LRRC8C: variants seen among roughly 807,000 people sequenced by gnomAD.
LRRC8C encodes leucine rich repeat containing 8 VRAC subunit C, also known as volume-regulated anion channel subunit LRRC8C.
A neutral mutation model predicts 55.3 loss-of-function variants in LRRC8C; 20 were observed. The observed-to-expected ratio is 0.36, with a 90% CI of 0.25 to 0.53. The LOEUF is 0.53. Ranked by LOEUF, LRRC8C falls within the 20% of genes least tolerant of loss-of-function variation. LRRC8C has a pLI of 0.92. For synonymous variants in LRRC8C, 376 were observed against 360.7 expected (o/e 1.04, Z -0.48); for missense variants, 659 against 951.4 (o/e 0.69, Z 4.04).
chr1:89,628,837 GA>G (rs1398605878), upstream of LRRC8C, among the ~76,000 whole-genome samples: 1 of 152,224 alleles, frequency 6.6e-6, no homozygotes, highest in Non-Finnish European at 1.5e-5. Context: ...TGGTTTTGGG[GA>G]AAAGGTTCTG....
chr1:89,713,200 TCA>T lies in LRRC8C; in HGVS notation c.631_632del (p.Gln211ValfsTer7), dbSNP rs1658707681. The T allele has an allele frequency of 6.2e-7, 1 of 1,614,052 alleles. No individual in the cohort carries two copies. The highest frequency in any genetic ancestry group is 1.7e-5 in the Admixed American group (1 of 60,002). On this transcript the variant is annotated frameshift_variant, in exon 3 of 3. Transcript: ENST00000370454. LOFTEE classifies it high-confidence loss of function. This position sits in a 1 kb window ranked among gnomAD's most constrained non-coding sequence, Gnocchi z 5.2. Reference sequence around the variant, plus strand: ...GTCCAGAAGACAGCCTGGTCAACTCTCAGTCTTTAAAGTCCATTCCTGAGAAG... The same window carrying T: ...GTCCAGAAGACAGCCTGGTCAACTCTGTCTTTAAAGTCCATTCCTGAGAAG... ...SGPEDSLVNSQSLKSIPEKFV... is the reference protein window; with the variant it reads ...SGPEDSLVNSXSLKSIPEKFV...
intron 1 of LRRC8C, among the ~76,000 whole-genome samples, chr1:89,676,751 G>A (rs1570716087): frequency 6.6e-6 from 1 of 152,268 alleles, no homozygotes; most frequent in Middle Eastern, 3.4e-3. Flanking sequence ...TGCACCATTG[G>A]CACAGGAAAC....
chr1:89,679,132 C>T (rs6668433), intron 1 of LRRC8C, among the ~76,000 whole-genome samples: 9 of 151,582 alleles, frequency 5.9e-5, no homozygotes, highest in Non-Finnish European at 1.3e-4. Flanking sequence ...ACAAGGGGGT[C>T]GGGGAGAAGA....
At chr1:89,633,393 G>C (rs1656182428) in intron 1 of LRRC8C, 71 bp downstream of exon 1, 1 of 152,406 alleles carries the variant, frequency 6.6e-6, no homozygotes, top group Admixed American at 6.5e-5. Flanking sequence ...GGTCCGCTGT[G>C]CGCGCCGGAC....
intron 1 of LRRC8C, among the ~76,000 whole-genome samples, chr1:89,663,526 C>T (rs1386245474): frequency 3.3e-5 from 5 of 150,374 alleles, no homozygotes; most frequent in East Asian, 2.0e-4. Context: ...GCCGAGATTG[C>T]GCCACTGCAC....
At chr1:89,661,356 C>T in intron 1 of LRRC8C, 1 of 344,578 alleles carries the variant, frequency 2.9e-6, no homozygotes, top group Non-Finnish European at 5.7e-6. Flanking sequence ...CAATGCCAGA[C>T]ACGAGATACA....
chr1:89,671,211 A>G (rs1657404775), intron 1 of LRRC8C, among the ~76,000 whole-genome samples: 1 of 152,118 alleles, frequency 6.6e-6, no homozygotes, highest in Non-Finnish European at 1.5e-5. Context: ...ATTCTACTAT[A>G]GCTTTTTATT....
rs543594260 is a variant in LRRC8C at position 89,707,123 on chromosome 1, T to C, written c.139-5586T>C. Among the ~76,000 whole-genome samples, 3 of 152,142 alleles carry C rather than the reference T, an allele frequency of 2.0e-5. No homozygotes were observed. In the East Asian group the frequency reaches 5.8e-4, roughly 29 times the overall value. On this transcript the variant is annotated intron_variant, in intron 2 of 2. Transcript: ENST00000370454. ...CAGTCGTTCCTAAAGATCCAGAGGA[T>C]AGGCCAGGCGCTGTGGCTCATGCCT...
At chr1:89,653,679 G>A (rs558803966) in intron 1 of LRRC8C, among the ~76,000 whole-genome samples, 2 of 152,300 alleles carry the variant, frequency 1.3e-5, no homozygotes, top group Non-Finnish European at 2.9e-5. Context: ...TTTAAAGATT[G>A]AGCCTGCAGG....
intron 1 of LRRC8C, among the ~76,000 whole-genome samples, chr1:89,677,925 TC>T (rs1444973777): frequency 6.6e-6 from 1 of 152,242 alleles, no homozygotes; most frequent in Non-Finnish European, 1.5e-5. Flanking sequence ...GCCTTTTTGC[TC>T]CTGCTTTTTA....
chr1:89,716,969 T>G lies in LRRC8C; in HGVS notation c.*1987T>G, dbSNP rs1174851606. 6.6e-6 allele frequency: 1 copy of G among 152,110 alleles called. No individual in the cohort carries two copies. Among genetic ancestry groups the G allele is most frequent in the Non-Finnish European group, 1.5e-5 (1 of 67,988 alleles). 9.4% of individuals were successfully genotyped at this position (152,110 alleles called of 1,614,324 possible). A position where few individuals can be genotyped will look rare whatever the true frequency, so the allele number is the denominator to read the frequency against. ...TACAGACCAAAGTGCTTTACGTTTC[T>G]GCTCTATGTTAATGTTTTAGAATGG... is the stretch of plus-strand genomic sequence containing the variant. On this transcript the variant is annotated 3_prime_UTR_variant, in exon 3 of 3. Coordinates refer to ENST00000370454, the MANE Select transcript of LRRC8C (RefSeq NM_032270.5).
chr1:89,619,382 G>A, the LRRC8C span, among the ~76,000 whole-genome samples: 1 of 150,418 alleles, frequency 6.6e-6, no homozygotes, highest in Non-Finnish European at 1.5e-5. Context: ...AGTTATATTA[G>A]TTTTATATTT....
the LRRC8C span, among the ~76,000 whole-genome samples, chr1:89,622,557 T>G: frequency 2.0e-5 from 3 of 152,174 alleles, no homozygotes; most frequent in African/African-American, 7.2e-5. Context: ...ATAGTCTCGA[T>G]CTCCTGACCT....
the LRRC8C span, chr1:89,625,270 T>C: frequency 6.6e-6 from 1 of 152,152 alleles, no homozygotes; most frequent in Non-Finnish European, 1.5e-5. Flanking sequence ...AAACAAGCCC[T>C]AAGAAGACAT....
At position 89,714,110 on chromosome 1, in the gene LRRC8C, C is replaced by T. The variant is rs746628711; in HGVS notation, c.1540C>T (p.Arg514Ter). Residue 514 changes from arginine to a stop codon, truncating the protein, a stop_gained, in exon 3 of 3, where the codon CGA (arginine) becomes TGA (stop). Coordinates refer to ENST00000370454, the MANE Select transcript of LRRC8C (RefSeq NM_032270.5). LOFTEE classifies it high-confidence loss of function. This position sits in a 1 kb window ranked among gnomAD's most constrained non-coding sequence, Gnocchi z 4.6. ...RELPPWMYGL[R>*]NLEELYLVGS... ...ACTCCCCCCCTGGATGTATGGGCTC[C>T]GAAATCTGGAAGAGCTGTACCTAGT... 6.8e-6 allele frequency: 11 copies of T among 1,613,994 alleles called. No homozygotes were observed. Among genetic ancestry groups the T allele is most frequent in the South Asian group, 1.1e-5 (1 of 91,068 alleles).
intron 1 of LRRC8C, among the ~76,000 whole-genome samples, chr1:89,680,679 G>A (rs1237542918): frequency 6.7e-6 from 1 of 149,566 alleles, no homozygotes; most frequent in African/African-American, 2.5e-5. Flanking sequence ...TTCTGCCTCA[G>A]CCACATGAGT....
upstream of LRRC8C, among the ~76,000 whole-genome samples, chr1:89,629,070 T>C (rs1306569240): frequency 1.3e-5 from 2 of 152,220 alleles, no homozygotes; most frequent in African/African-American, 4.8e-5. Context: ...AAGTCCACAT[T>C]TGACATTACC....
chr1:89,642,659 C>T (rs939706231), intron 1 of LRRC8C, among the ~76,000 whole-genome samples: 17 of 152,088 alleles, frequency 1.1e-4, no homozygotes, highest in African/African-American at 4.1e-4. Context: ...ACCAGCCTGC[C>T]CAAGATAGTG....
intron 2 of LRRC8C, among the ~76,000 whole-genome samples, chr1:89,694,585 C>CTTTTTT (rs33917661): frequency 3.0e-4 from 25 of 83,222 alleles, no homozygotes; most frequent in Admixed American, 8.4e-4. Context: ...TGCCCAGCTT[C>CTTTTTT]TTTTTTTTTT....
Sources: allele counts gnomAD v4.1 joint callset (sites outside exome capture counted in the v4.1 genomes callset), GRCh38; gene constraint gnomAD v4.1.1; non-coding constraint Gnocchi (gnomAD v3.1); transcripts MANE v1.5; gene names NCBI Gene and HGNC (gene_info 2026-07-23, HGNC 2026-07-21).